CADPS2: variants seen among roughly 807,000 people sequenced by gnomAD.
The protein encoded by CADPS2 is calcium dependent secretion activator 2.
In CADPS2, 93 loss-of-function variants were observed where a neutral mutation model predicts 172.5. That is an observed-to-expected ratio of 0.54 (90% confidence interval 0.46 to 0.64). The LOEUF (loss-of-function observed/expected upper bound fraction) is 0.64, where lower values mean the gene tolerates loss of function less well. Ranked by LOEUF, CADPS2 falls within the 30% of genes least tolerant of loss-of-function variation. The probability of loss-of-function intolerance (pLI) is 0.00; values close to 1 mark genes in which losing one functional copy is unlikely to be tolerated. For synonymous variants in CADPS2, 546 were observed against 555.2 expected, an observed-to-expected ratio of 0.98 and a Z score of 0.23; for missense variants, 1,420 against 1,565.9, an observed-to-expected ratio of 0.91 and a Z score of 1.57.
chr7:122,836,422 C>G (rs982293650), intron 1 of CADPS2, among the ~76,000 whole-genome samples: 2 of 151,978 alleles, frequency 1.3e-5, no homozygotes, highest in African/African-American at 4.8e-5. Flanking sequence ...CAAATTCACA[C>G]ATAACAATAT....
chr7:122,886,421 G>GC lies in CADPS2; in HGVS notation c.-85dup. On this transcript the variant is annotated 5_prime_UTR_variant, in exon 1 of 30. Coordinates refer to ENST00000449022, the MANE Select transcript of CADPS2 (RefSeq NM_017954.11). ...CTGCGCCCGCGGGTCTGAGGGAGCC[G>GC]CGGGGCTGGCTGCAGCGGCCGCAGA... 1 of 1,414,508 alleles carries GC rather than the reference G, an allele frequency of 7.1e-7. No individual in the cohort carries two copies. The highest frequency in any genetic ancestry group is 9.1e-7 in the Non-Finnish European group (1 of 1,097,084). 87.6% of individuals were successfully genotyped at this position (1,414,508 alleles called of 1,614,324 possible).
At chr7:122,535,113 G>C (rs2062122629) in intron 8 of CADPS2, among the ~76,000 whole-genome samples, 1 of 152,054 alleles carries the variant, frequency 6.6e-6, no homozygotes, top group Admixed American at 6.6e-5. Flanking sequence ...ACAAGTATTT[G>C]AGTTGCCTGG....
At chr7:122,401,727 T>C (rs1242428777) in intron 20 of CADPS2, among the ~76,000 whole-genome samples, 1 of 151,838 alleles carries the variant, frequency 6.6e-6, no homozygotes, top group Non-Finnish European at 1.5e-5. Flanking sequence ...AGTAGGGGAG[T>C]AGATTGGGGT....
intron 8 of CADPS2, among the ~76,000 whole-genome samples, chr7:122,528,593 G>C (rs2061482732): frequency 6.6e-6 from 1 of 152,068 alleles, no homozygotes; most frequent in African/African-American, 2.4e-5. Flanking sequence ...GACTACATAG[G>C]ACTAGATTTA....
At chr7:122,724,118 G>C (rs2090820986) in intron 2 of CADPS2, among the ~76,000 whole-genome samples, 1 of 151,710 alleles carries the variant, frequency 6.6e-6, no homozygotes, top group Admixed American at 6.6e-5. Context: ...CATGACACAT[G>C]TATTCATATG....
Position 122,432,549 on chromosome 7 carries a change from G to A in CADPS2, c.2476+5792C>T, listed in dbSNP as rs765768540. ...CCAGCTACTTGTAAAGCTGAGGCAG[G>A]AGAACCACTTGAACTCGGGAGGCGG... On this transcript the variant is annotated intron_variant, in intron 17 of 29. Transcript: ENST00000449022. 4.5e-4 allele frequency among the ~76,000 whole-genome samples: 68 copies of A among 150,852 alleles called. 4 individuals carry two copies. The highest frequency in any genetic ancestry group is 1.5e-4 in the Non-Finnish European group (10 of 67,892).
At chr7:122,634,367 C>G (rs1588001015) in intron 3 of CADPS2, among the ~76,000 whole-genome samples, 1 of 152,048 alleles carries the variant, frequency 6.6e-6, no homozygotes, top group South Asian at 2.1e-4. Context: ...CTGGTCTGTT[C>G]AGGTTTTCAC....
At chr7:122,441,859 T>A (rs1201146742) in intron 15 of CADPS2, among the ~76,000 whole-genome samples, 1 of 152,222 alleles carries the variant, frequency 6.6e-6, no homozygotes, top group Non-Finnish European at 1.5e-5. Context: ...TCAAGGGTCA[T>A]GAGTAAAGCG....
chr7:122,480,623 G>A (rs750288438), intron 12 of CADPS2, among the ~76,000 whole-genome samples: 22 of 152,032 alleles, frequency 1.4e-4, no homozygotes, highest in Middle Eastern at 6.8e-3. Flanking sequence ...CAACACATTC[G>A]TGGCTATTAC....
intron 9 of CADPS2, among the ~76,000 whole-genome samples, chr7:122,503,190 C>A (rs2059355290): frequency 6.6e-6 from 1 of 151,976 alleles, no homozygotes; most frequent in African/African-American, 2.4e-5. Context: ...TGCCACCACA[C>A]CTGGCTGGCT....
intron 8 of CADPS2, among the ~76,000 whole-genome samples, chr7:122,552,775 G>GTTTTTTT (rs61517518): frequency 1.0e-4 from 14 of 137,094 alleles, no homozygotes; most frequent in Non-Finnish European, 1.1e-4. Flanking sequence ...ATAGGTTCCT[G>GTTTTTTT]TTTTTTTTTT....
chr7:122,372,471 G>A (rs776691529), intron 25 of CADPS2, among the ~76,000 whole-genome samples: 21 of 152,292 alleles, frequency 1.4e-4, no homozygotes, highest in Non-Finnish European at 2.9e-4. Flanking sequence ...AGTACTGTGT[G>A]TGATTGAGAA....
At chr7:122,573,114 G>T (rs1336294454) in intron 7 of CADPS2, among the ~76,000 whole-genome samples, 10 of 152,110 alleles carry the variant, frequency 6.6e-5, no homozygotes, top group African/African-American at 2.2e-4. Context: ...TTGTGTCAAT[G>T]ATGCTATTTA....
At position 122,399,706 on chromosome 7, in the gene CADPS2, A is replaced by T. The variant is rs2045677695; in HGVS notation, c.2747-6124T>A. Among the ~76,000 whole-genome samples, 6 of 45,140 alleles carry T rather than the reference A, an allele frequency of 1.3e-4. No individual in the cohort carries two copies. In the East Asian group the frequency reaches 2.1e-3, roughly 16 times the overall value. 29.6% of individuals were successfully genotyped at this position (45,140 alleles called of 152,430 possible). On this transcript the variant is annotated intron_variant, in intron 20 of 29. Coordinates refer to ENST00000449022, the MANE Select transcript of CADPS2 (RefSeq NM_017954.11). ...TTTTTTTTTTTTTTTTTTTTTTTTGAGACGGAGTCTCGCTCTGTCACCAAG... is the reference window on the plus strand; with the variant it reads ...TTTTTTTTTTTTTTTTTTTTTTTTGTGACGGAGTCTCGCTCTGTCACCAAG...
intron 6 of CADPS2, among the ~76,000 whole-genome samples, chr7:122,608,143 G>T (rs1440606467): frequency 2.6e-5 from 4 of 151,744 alleles, no homozygotes; most frequent in African/African-American, 9.7e-5. Context: ...TTGAACCCAG[G>T]AGGCGGAGAT....
chr7:122,585,070 G>A lies in CADPS2; in HGVS notation c.1224-3780C>T, dbSNP rs1006612489. Among the ~76,000 whole-genome samples the A allele has an allele frequency of 2.0e-5, 3 of 151,856 alleles. No homozygotes were observed. The East Asian group carries it at 5.8e-4, about 29-fold the overall frequency. Reference sequence around the variant, plus strand: ...CGAACACCTCCTGTGAAATGAAGAAGGCTTAAATAACGTGTTCTCAGGCAA... The same window carrying A: ...CGAACACCTCCTGTGAAATGAAGAAAGCTTAAATAACGTGTTCTCAGGCAA... On this transcript the variant is annotated intron_variant, in intron 6 of 29. Coordinates refer to ENST00000449022, the MANE Select transcript of CADPS2 (RefSeq NM_017954.11).
intron 6 of CADPS2, among the ~76,000 whole-genome samples, chr7:122,602,938 A>G (rs1405643359): frequency 6.6e-6 from 1 of 152,084 alleles, no homozygotes; most frequent in Non-Finnish European, 1.5e-5. Context: ...CTCTTCATGT[A>G]ATGTATTAAC....
At chr7:122,593,446 A>G (rs897576342) in intron 6 of CADPS2, among the ~76,000 whole-genome samples, 1 of 152,038 alleles carries the variant, frequency 6.6e-6, no homozygotes, top group Non-Finnish European at 1.5e-5. Context: ...GAAACCACCA[A>G]TAAGTGAAAA....
chr7:122,862,276 C>T (rs1817138207), intron 1 of CADPS2, among the ~76,000 whole-genome samples: 1 of 152,212 alleles, frequency 6.6e-6, no homozygotes. Context: ...CTCAAATTCA[C>T]CGTCTATTCT....
Sources: allele counts gnomAD v4.1 joint callset (sites outside exome capture counted in the v4.1 genomes callset), GRCh38; gene constraint gnomAD v4.1.1; transcripts MANE v1.5; gene names NCBI Gene and HGNC (gene_info 2026-07-23, HGNC 2026-07-21).